The following MED15 variants were observed in gnomAD, a reference collection of about 807,000 sequenced individuals.
MED15 encodes mediator of RNA polymerase II transcription subunit 15.
In MED15, 41 loss-of-function variants were observed where a neutral mutation model predicts 118.7. That is an observed-to-expected ratio of 0.35 (90% confidence interval 0.27 to 0.45). The LOEUF is 0.45. MED15 is among the 20% of genes least tolerant of loss of function. MED15 has a pLI of 1.00. For missense variants in MED15, 740 were observed against 1,025.5 expected (o/e 0.72, Z 3.80); for synonymous variants, 436 against 413.9 (o/e 1.05, Z -0.65).
intron 1 of MED15, among the ~76,000 whole-genome samples, chr22:20,528,220 G>T (rs76622281): frequency 3.3e-5 from 5 of 152,246 alleles, no homozygotes; most frequent in South Asian, 2.1e-4. Flanking sequence ...CTTCCAGCAC[G>T]TGGAGCTTGT....
chr22:20,579,051 G>A (rs1033354639), intron 9 of MED15, among the ~76,000 whole-genome samples: 178 of 152,352 alleles, frequency 1.2e-3, no homozygotes, highest in African/African-American at 4.2e-3. Flanking sequence ...GGGTGGCATG[G>A]CCCATGCCAC....
chr22:20,582,580 C>T lies in MED15; in HGVS notation c.1273-31C>T, dbSNP rs1220852533. 2.6e-6 allele frequency: 4 copies of T among 1,536,456 alleles called. No homozygotes were observed. The South Asian group carries it at 3.6e-5, about 14-fold the overall frequency. ...TGGAGGCAGGCGGGCGGGCGTGTGG[C>T]AGCGCGCCGGCTGAGCCCCTCCACT... On this transcript the variant is annotated intron_variant, in intron 9 of 17. Coordinates refer to ENST00000263205, the MANE Select transcript of MED15 (RefSeq NM_001003891.3).
chr22:20,558,592 T>C (rs145095141), intron 5 of MED15, among the ~76,000 whole-genome samples: 2,656 of 152,322 alleles, frequency 0.017, 34 homozygotes, highest in Middle Eastern at 0.061. Context: ...GCTGAGGACA[T>C]GTTCTCCTCC....
intron 3 of MED15, 23 bp from the exon 4 acceptor site, chr22:20,553,122 T>C (rs2055852157): frequency 6.2e-7 from 1 of 1,605,356 alleles, no homozygotes; most frequent in Non-Finnish European, 8.5e-7. Flanking sequence ...TACTTTCGTT[T>C]TTTTGTTTGT....
At chr22:20,511,944 G>C (rs6000620) in intron 1 of MED15, among the ~76,000 whole-genome samples, 43,011 of 117,174 alleles carry the variant, frequency 0.37, 8,491 homozygotes, top group African/African-American at 0.6. Flanking sequence ...TACCCCCACC[G>C]TGTTCTGACC....
chr22:20,520,588 A>G (rs546763135), intron 1 of MED15, among the ~76,000 whole-genome samples: 1 of 152,316 alleles, frequency 6.6e-6, no homozygotes, highest in South Asian at 2.1e-4. Context: ...TCCCTATCAC[A>G]GTGAACGACA....
chr22:20,570,255 C>T (rs1373591797), intron 8 of MED15, among the ~76,000 whole-genome samples: 1 of 152,002 alleles, frequency 6.6e-6, no homozygotes, highest in Non-Finnish European at 1.5e-5. Context: ...CATCTCTTGA[C>T]CTCGTGATCT....
At chr22:20,532,011 G>A (rs1474607152) in intron 1 of MED15, among the ~76,000 whole-genome samples, 1 of 152,218 alleles carries the variant, frequency 6.6e-6, no homozygotes, top group Admixed American at 6.5e-5. Flanking sequence ...GCTCCTCAGT[G>A]GGCTCCTGGA....
At chr22:20,586,437 C>A in intron 17 of MED15, 131 bp from the exon 18 acceptor site, 1 of 1,327,678 alleles carries the variant, frequency 7.5e-7, no homozygotes, top group Non-Finnish European at 1.0e-6. Flanking sequence ...GGCCGGGCAG[C>A]GTGCAGGACA....
chr22:20,579,550 G>T (rs1250379422), intron 9 of MED15, among the ~76,000 whole-genome samples: 1 of 152,016 alleles, frequency 6.6e-6, no homozygotes, highest in Admixed American at 6.5e-5. Context: ...GGTGGGGATC[G>T]CGCAGTGCCG....
chr22:20,531,020 C>T (rs74434132), intron 1 of MED15, among the ~76,000 whole-genome samples: 9,136 of 152,250 alleles, frequency 0.06, 641 homozygotes, highest in East Asian at 0.38. Context: ...TAACTACTAT[C>T]ATCCTCAGGG....
intron 4 of MED15, among the ~76,000 whole-genome samples, chr22:20,553,959 C>G (rs180700701): frequency 1.3e-4 from 20 of 152,354 alleles, no homozygotes; most frequent in African/African-American, 4.8e-4. Flanking sequence ...TCTCTGCTGA[C>G]TAAGCTGCAA....
intron 9 of MED15, among the ~76,000 whole-genome samples, chr22:20,576,369 T>C (rs1432027955): frequency 6.6e-6 from 1 of 152,252 alleles, no homozygotes; most frequent in Non-Finnish European, 1.5e-5. Context: ...GTGGCGTCTC[T>C]GCAGCTCTGT....
intron 16 of MED15, 41 bp from the exon 17 acceptor site, chr22:20,585,687 G>T: frequency 6.3e-7 from 1 of 1,585,878 alleles, no homozygotes; most frequent in East Asian, 2.2e-5. Context: ...AGGGCAGGCC[G>T]GGGCTTGTCC....
intron 1 of MED15, 133 bp from the exon 2 acceptor site, chr22:20,536,984 C>A: frequency 1.4e-6 from 1 of 705,534 alleles, no homozygotes; most frequent in Non-Finnish European, 2.3e-6. Context: ...TCTCCTGGAC[C>A]TCAGCCAGGC....
At chr22:20,514,161 T>C (rs1023379798) in intron 1 of MED15, among the ~76,000 whole-genome samples, 3 of 152,168 alleles carry the variant, frequency 2.0e-5, no homozygotes, top group Non-Finnish European at 2.9e-5. Flanking sequence ...CCACCGTGCT[T>C]GCCTTTGTTG....
chr22:20,585,257 C>T lies in MED15; in HGVS notation c.2121C>T (p.Ile707=), dbSNP rs1408187994. The T allele has an allele frequency of 1.9e-6, 3 of 1,613,142 alleles. No individual in the cohort carries two copies. The highest frequency in any genetic ancestry group is 2.7e-5 in the African/African-American group (2 of 74,922). ...HCSNNGTVHL[I]CKLDDKDLPS... is the part of the protein sequence containing the mutation. ...GCAACAATGGCACTGTCCACCTGAT[C>T]TGCAAGCTGGGTGAGTGTCCAGAGG... The change falls in exon 16 of 18, where the codon ATC becomes ATT. Residue 707 remains isoleucine, a synonymous_variant. Coordinates refer to ENST00000263205, the MANE Select transcript of MED15 (RefSeq NM_001003891.3).
chr22:20,558,959 C>G (rs1289013443), intron 5 of MED15, among the ~76,000 whole-genome samples: 3 of 152,132 alleles, frequency 2.0e-5, no homozygotes, highest in Non-Finnish European at 4.4e-5. Flanking sequence ...ACCACACACA[C>G]AGGAACTGTT....
chr22:20,516,241 A>G (rs906148038), intron 1 of MED15, among the ~76,000 whole-genome samples: 4 of 151,900 alleles, frequency 2.6e-5, no homozygotes, highest in Admixed American at 6.6e-5. Flanking sequence ...TGAACCTGGG[A>G]GGCGGAGGTT....
Sources: allele counts gnomAD v4.1 joint callset (sites outside exome capture counted in the v4.1 genomes callset), GRCh38; gene constraint gnomAD v4.1.1; transcripts MANE v1.5; gene names NCBI Gene and HGNC (gene_info 2026-07-23, HGNC 2026-07-21).